BET1: variants seen among roughly 807,000 people sequenced by gnomAD.
The protein encoded by BET1 is Bet1 golgi vesicular membrane trafficking protein, also known as BET1 homolog.
A neutral mutation model predicts 13.9 loss-of-function variants in BET1; 9 were observed. The observed-to-expected ratio is 0.65, with a 90% CI of 0.39 to 1.13. The LOEUF (loss-of-function observed/expected upper bound fraction) is 1.13, where lower values mean the gene tolerates loss of function less well. Among genes scored for constraint, BET1 ranks in the 50% most tolerant of loss-of-function variants. The probability of loss-of-function intolerance (pLI) is 0.01; values close to 1 mark genes in which losing one functional copy is unlikely to be tolerated. For synonymous variants in BET1, 39 were observed against 47.3 expected, an observed-to-expected ratio of 0.82 and a Z score of 0.72; for missense variants, 127 against 133.6, an observed-to-expected ratio of 0.95 and a Z score of 0.24.
Position 93,985,239 on chromosome 7 carries a change from A to T in BET1, c.235+9113T>A, listed in dbSNP as rs545206981. ...CTGGGAAGACTTTCTATAAAGTTTC[A>T]TGCTGAGCTACAAAAACAATGCTGT... On this transcript the variant is annotated intron_variant and NMD_transcript_variant, in intron 4 of 6. Transcript: ENST00000357520. 2.4e-4 allele frequency among the ~76,000 whole-genome samples: 37 copies of T among 152,334 alleles called. 1 individual carries two copies. The East Asian group carries it at 3.3e-3, about 13-fold the overall frequency.
At chr7:93,970,704 G>A (rs559340986) in intron 6 of BET1, among the ~76,000 whole-genome samples, 1 of 151,714 alleles carries the variant, frequency 6.6e-6, no homozygotes, top group Non-Finnish European at 1.5e-5. Context: ...ATTATATAAA[G>A]AGAAAATGTG....
chr7:93,972,378 G>A (rs760535571), intron 6 of BET1: 12 of 151,972 alleles, frequency 7.9e-5, no homozygotes, highest in African/African-American at 4.8e-5. Context: ...TATGTGCCAC[G>A]CATCTTGACA....
At chr7:93,995,600 G>A (rs1427369744) in intron 3 of BET1, among the ~76,000 whole-genome samples, 2 of 152,074 alleles carry the variant, frequency 1.3e-5, no homozygotes, top group Non-Finnish European at 2.9e-5. Context: ...GACAGAATCA[G>A]GCATATACAT....
chr7:93,982,645 C>T (rs1277186003), intron 4 of BET1, among the ~76,000 whole-genome samples: 1 of 152,056 alleles, frequency 6.6e-6, no homozygotes, highest in Non-Finnish European at 1.5e-5. Context: ...GGACATTAGT[C>T]CTTGGATTAG....
intron 1 of BET1, among the ~76,000 whole-genome samples, chr7:94,002,560 T>A (rs1419391103): frequency 2.0e-5 from 3 of 151,650 alleles, no homozygotes; most frequent in African/African-American, 7.3e-5. Flanking sequence ...GAGGTCCAGG[T>A]AACAATACTT....
At position 93,994,351 on chromosome 7, in the gene BET1, C is replaced by T; in HGVS notation, c.236G>A (p.Gly79Asp). 1 of 1,613,478 alleles carries T rather than the reference C, an allele frequency of 6.2e-7. No homozygotes were observed. ...AATCTTCAGTTTGCCCATAGTTTTA[C>T]CTAGAAATCCAGTTGTGGAATCAAA... ...SQFDSTTGFL[G>D]KTMGKLKILS... The change falls in exon 4 of 4, where the codon GGT becomes GAT. Residue 79 changes from glycine (G) to aspartate (D), a missense_variant. By Grantham distance (94) the Gly-to-Asp change is moderately conservative. Coordinates refer to ENST00000222547, the MANE Select transcript of BET1 (RefSeq NM_005868.6).
rs200551323 is a variant in BET1, at chr7:93,980,878, ATTT to A, written c.236-4781_236-4779del. ...TATATGTTGGAGTTCTCATTTTACC[ATTT>A]TTTTTTCTTTGAAGTGAAAGGCAAA... On this transcript the variant is annotated intron_variant and NMD_transcript_variant, in intron 4 of 6. Coordinates refer to the BET1 transcript ENST00000357520. Among the ~76,000 whole-genome samples the A allele has an allele frequency of 6.0e-5, 9 of 151,204 alleles. No individual in the cohort carries two copies. The East Asian group carries it at 1.7e-3, about 29-fold the overall frequency.
chr7:93,964,853 G>T (rs1459246625), exon 7 of BET1: 2 of 152,058 alleles, frequency 1.3e-5, no homozygotes, highest in African/African-American at 2.4e-5. Context: ...AGAGAAAAGA[G>T]AACACTTATA....
rs183964175 is a variant in BET1, at chr7:94,000,757, G to A, written c.20-1463C>T. ...TGCCAAAAGAGCGGTTGAAGATCTG[G>A]ATTATGGGGATTAGATTGGACAGAT... On this transcript the variant is annotated intron_variant, in intron 1 of 3. Coordinates refer to ENST00000222547, the MANE Select transcript of BET1 (RefSeq NM_005868.6). 2.6e-3 allele frequency among the ~76,000 whole-genome samples: 401 copies of A among 152,238 alleles called. 3 individuals are homozygous for A. The highest frequency in any genetic ancestry group is 9.2e-3 in the African/African-American group (381 of 41,536).
chr7:93,972,712 G>C (rs766039617), intron 5 of BET1: 1 of 151,688 alleles, frequency 6.6e-6, no homozygotes, highest in Non-Finnish European at 1.5e-5. Context: ...ATTTTTGATA[G>C]CCATTTCCTA....
At position 93,993,464 on chromosome 7, in the gene BET1, C is replaced by A; in HGVS notation, c.*766G>T. On this transcript the variant is annotated 3_prime_UTR_variant, in exon 4 of 4. Transcript: ENST00000222547. ...TTGCATACTATTTCCATTTAAAGTTCAGTAATTACTTAACTTCACATTATT... is the reference window on the plus strand; with the variant it reads ...TTGCATACTATTTCCATTTAAAGTTAAGTAATTACTTAACTTCACATTATT... 1 of 979,390 alleles carries A rather than the reference C, an allele frequency of 1.0e-6. No individual in the cohort carries two copies. The highest frequency in any genetic ancestry group is 1.2e-6 in the Non-Finnish European group (1 of 823,294). 60.7% of individuals were successfully genotyped at this position (979,390 alleles called of 1,614,324 possible). A position where few individuals can be genotyped will look rare whatever the true frequency, so the allele number is the denominator to read the frequency against.
chr7:93,989,868 C>A (rs563700859), downstream of BET1, among the ~76,000 whole-genome samples: 4 of 152,238 alleles, frequency 2.6e-5, no homozygotes, highest in African/African-American at 7.2e-5. Flanking sequence ...GAAATAAATG[C>A]AGACAAAGAG....
At chr7:93,981,289 T>C (rs1477636974) in intron 4 of BET1, among the ~76,000 whole-genome samples, 1 of 152,216 alleles carries the variant, frequency 6.6e-6, no homozygotes, top group East Asian at 1.9e-4. Context: ...CTCTACAGAC[T>C]GGGATGATTT....
chr7:93,999,811 G>A, intron 1 of BET1: 1 of 409,770 alleles, frequency 2.4e-6, no homozygotes, highest in Non-Finnish European at 4.8e-6. Flanking sequence ...GCAAACTGAA[G>A]CTCTAGGAAA....
In BET1 at chr7:93,968,102, C is replaced by G. The variant is rs556493287; in HGVS notation, c.*138-2415G>C. ...ACTTCCTCCATACTACTCCTACCAC[C>G]TCCACTTCAAGTTTAGCATAATCAC... is the stretch of plus-strand genomic sequence containing the variant. On this transcript the variant is annotated intron_variant and NMD_transcript_variant, in intron 6 of 6. Coordinates refer to the BET1 transcript ENST00000357520. 3.9e-5 allele frequency among the ~76,000 whole-genome samples: 6 copies of G among 151,918 alleles called. No individual in the cohort carries two copies. In the South Asian group the frequency reaches 1.2e-3, roughly 31 times the overall value.
Position 93,993,299 on chromosome 7 carries a change from A to C in BET1, c.*931T>G. ...ATTTACTTTTGAAGCCTATAAATGGATAAATTCCAAAATACAGAATATTTA... is the reference window on the plus strand; with the variant it reads ...ATTTACTTTTGAAGCCTATAAATGGCTAAATTCCAAAATACAGAATATTTA... On this transcript the variant is annotated 3_prime_UTR_variant, in exon 4 of 4. Transcript: ENST00000222547. The C allele has an allele frequency of 1.1e-6, 1 of 932,016 alleles. No homozygotes were observed. Among genetic ancestry groups the C allele is most frequent in the Non-Finnish European group, 1.3e-6 (1 of 781,334 alleles). The allele number at this position is 932,016 out of a possible 1,614,324, so 57.7% of individuals were successfully genotyped here.
intron 4 of BET1, among the ~76,000 whole-genome samples, chr7:93,980,667 T>A (rs562039104): frequency 4.5e-4 from 68 of 152,264 alleles, no homozygotes; most frequent in Middle Eastern, 3.4e-3. Flanking sequence ...TTATATTCAA[T>A]GGGAAAAGTT....
chr7:93,998,260 C>T (rs144585446), intron 2 of BET1, among the ~76,000 whole-genome samples: 10 of 152,228 alleles, frequency 6.6e-5, no homozygotes, highest in Non-Finnish European at 1.5e-4. Context: ...CATGGAAGGA[C>T]GCTGAAGACT....
chr7:93,970,646 T>A (rs191219984), intron 6 of BET1, among the ~76,000 whole-genome samples: 54 of 151,864 alleles, frequency 3.6e-4, no homozygotes, highest in Admixed American at 1.5e-3. Flanking sequence ...GGAATAGTGC[T>A]CCATAGTAAA....
Sources: gnomAD v4.1 joint callset for allele counts (sites outside exome capture counted in the v4.1 genomes callset) on GRCh38, gnomAD v4.1.1 for gene constraint, MANE v1.5 for transcripts, NCBI Gene and HGNC (gene_info 2026-07-23, HGNC 2026-07-21) for gene names.